Variants in NOX4 observed in about 807,000 individuals in gnomAD.
NOX4 encodes NADPH oxidase 4.
Under a neutral mutation model 87.6 loss-of-function variants are expected in NOX4, and 69 were observed. The ratio of observed to expected loss-of-function variants is 0.79; its 90% CI spans 0.65 to 0.96. The LOEUF (loss-of-function observed/expected upper bound fraction) is 0.96. NOX4 is among the 40% of genes least tolerant of loss of function. The pLI is 0.00. For synonymous variants in NOX4, 275 were observed against 238.2 expected, an observed-to-expected ratio of 1.15 and a Z score of -1.42; for missense variants, 680 against 681.5, an observed-to-expected ratio of 1.00 and a Z score of 0.02.
intron 8 of NOX4, among the ~76,000 whole-genome samples, chr11:89,412,871 C>T (rs994171191): frequency 1.5e-4 from 23 of 152,014 alleles, no homozygotes; most frequent in Non-Finnish European, 2.8e-4. Context: ...GCAAAGCATA[C>T]ATCAACAAAG....
chr11:89,455,661 T>C (rs1945160988), intron 2 of NOX4, among the ~76,000 whole-genome samples: 1 of 151,256 alleles, frequency 6.6e-6, no homozygotes, highest in Admixed American at 6.6e-5. Flanking sequence ...TGCAGTATCA[T>C]GGAAAATATT....
chr11:89,421,685 T>C (rs1456174314), intron 8 of NOX4, among the ~76,000 whole-genome samples: 1 of 152,134 alleles, frequency 6.6e-6, no homozygotes, highest in Non-Finnish European at 1.5e-5. Flanking sequence ...AATTCTAGCT[T>C]TTAAATTTAG....
At chr11:89,457,445 A>G (rs1591305239) in intron 2 of NOX4, among the ~76,000 whole-genome samples, 2 of 152,108 alleles carry the variant, frequency 1.3e-5, no homozygotes, top group Admixed American at 1.3e-4. Flanking sequence ...ACAGGAGTAA[A>G]CCCTGCCAGC....
At chr11:89,566,729 A>G in the NOX4 span, among the ~76,000 whole-genome samples, 1 of 152,144 alleles carries the variant, frequency 6.6e-6, no homozygotes, top group Non-Finnish European at 1.5e-5. Flanking sequence ...GAGTGGAAAA[A>G]GGGAGCATGC....
the NOX4 span, among the ~76,000 whole-genome samples, chr11:89,509,762 C>CTTATAACACACAACAATCAGGGGT: frequency 1.3e-5 from 2 of 151,924 alleles, no homozygotes; most frequent in Non-Finnish European, 2.9e-5. Flanking sequence ...AATGACCTGC[C>CTTATAACACACAACAATCAGGGGT]TTATAACACA....
chr11:89,361,783 T>C, intron 12 of NOX4, among the ~76,000 whole-genome samples: 1 of 152,188 alleles, frequency 6.6e-6, no homozygotes, highest in African/African-American at 2.4e-5. Flanking sequence ...TTTAATTAAA[T>C]ATTAATAAGA....
At chr11:89,488,918 G>A (rs573223052) in intron 2 of NOX4, 10 of 675,540 alleles carry the variant, frequency 1.5e-5, no homozygotes, top group South Asian at 1.5e-4. Context: ...CCATTATATT[G>A]TAAGCAACTT....
chr11:89,428,095 C>T (rs1943549021), intron 7 of NOX4, among the ~76,000 whole-genome samples: 1 of 152,084 alleles, frequency 6.6e-6, no homozygotes, highest in African/African-American at 2.4e-5. Context: ...ATTTTCAACC[C>T]AGAATTTCAT....
intron 8 of NOX4, among the ~76,000 whole-genome samples, chr11:89,406,955 T>C (rs1311304347): frequency 6.6e-6 from 1 of 150,892 alleles, no homozygotes; most frequent in East Asian, 1.9e-4. Flanking sequence ...ATTCCAGGGG[T>C]TAGAGAATAG....
Position 89,482,749 on chromosome 11 carries a change from T to C in NOX4, c.153+7709A>G, listed in dbSNP as rs186488131. On this transcript the variant is annotated intron_variant, in intron 2 of 17. Coordinates refer to ENST00000263317, the MANE Select transcript of NOX4 (RefSeq NM_016931.5). Reference sequence around the variant, plus strand: ...ATGCATATATGCTTGAATTTACTTCTGATCAAATACTTCTTAACAGATACA... The same window carrying C: ...ATGCATATATGCTTGAATTTACTTCCGATCAAATACTTCTTAACAGATACA... Among the ~76,000 whole-genome samples the C allele has an allele frequency of 6.6e-5, 10 of 152,242 alleles. No homozygotes were observed. In the East Asian group the frequency reaches 1.5e-3, roughly 23 times the overall value.
At chr11:89,329,657 A>G (rs1379213477) in intron 17 of NOX4, among the ~76,000 whole-genome samples, 1 of 152,048 alleles carries the variant, frequency 6.6e-6, no homozygotes. Flanking sequence ...AGAATGAAAT[A>G]TAAGAATGAA....
At chr11:89,521,921 G>A in the NOX4 span, among the ~76,000 whole-genome samples, 9 of 151,804 alleles carry the variant, frequency 5.9e-5, no homozygotes, top group South Asian at 1.0e-3. Flanking sequence ...GCCAACAAAC[G>A]AAAAATGCTC....
the NOX4 span, among the ~76,000 whole-genome samples, chr11:89,553,869 C>T: frequency 7.6e-5 from 8 of 105,446 alleles, no homozygotes; most frequent in African/African-American, 2.9e-4. Context: ...AGAAGAGAAA[C>T]AAACATCTTT....
the NOX4 span, among the ~76,000 whole-genome samples, chr11:89,534,370 A>G: frequency 6.6e-6 from 1 of 152,180 alleles, no homozygotes; most frequent in Non-Finnish European, 1.5e-5. Context: ...CTGAGTCACA[A>G]TATTTTTTCT....
the NOX4 span, among the ~76,000 whole-genome samples, chr11:89,589,156 CTT>C: frequency 6.6e-6 from 1 of 152,188 alleles, no homozygotes; most frequent in African/African-American, 2.4e-5. Context: ...GAGTCTCTCT[CTT>C]GGAATCCAAG....
At chr11:89,426,650 T>C (rs7124312) in intron 7 of NOX4, among the ~76,000 whole-genome samples, 1,791 of 152,170 alleles carry the variant, frequency 0.012, 35 homozygotes, top group African/African-American at 0.041. Flanking sequence ...GAGATCGAAA[T>C]GCAAGGCAGC....
chr11:89,495,996 A>G (rs1946944292), upstream of NOX4, among the ~76,000 whole-genome samples: 2 of 152,178 alleles, frequency 1.3e-5, no homozygotes. Context: ...AGAATCCTAG[A>G]GGTTTGAGTA....
chr11:89,454,383 T>C (rs1196064107), intron 2 of NOX4, among the ~76,000 whole-genome samples: 1 of 152,122 alleles, frequency 6.6e-6, no homozygotes. Flanking sequence ...GATGAAGAGC[T>C]GTTACAAAAT....
chr11:89,518,926 C>G, the NOX4 span, among the ~76,000 whole-genome samples: 1 of 151,830 alleles, frequency 6.6e-6, no homozygotes, highest in African/African-American at 2.4e-5. Context: ...AAAAGATGAG[C>G]AATAGAGTTA....
Sources: allele counts gnomAD v4.1 joint callset (sites outside exome capture counted in the v4.1 genomes callset), GRCh38; gene constraint gnomAD v4.1.1; transcripts MANE v1.5; gene names NCBI Gene and HGNC (gene_info 2026-07-23, HGNC 2026-07-21).